Variants in LARP4 observed in about 807,000 individuals in gnomAD.
The protein encoded by LARP4 is La ribonucleoprotein 4.
A neutral mutation model predicts 92.9 loss-of-function variants in LARP4; 29 were observed. The ratio of observed to expected loss-of-function variants is 0.31; its 90% confidence interval spans 0.23 to 0.43. LARP4 has a LOEUF of 0.43. Among genes scored for constraint, LARP4 ranks in the 20% least tolerant of loss-of-function variants. The probability of loss-of-function intolerance (pLI) is 1.00; values close to 1 mark genes in which losing one functional copy is unlikely to be tolerated. For synonymous variants in LARP4, 279 were observed against 284.1 expected (o/e 0.98, Z 0.18); for missense variants, 732 against 860.0 (o/e 0.85, Z 1.86).
chr12:50,436,174 G>A (rs201262877), intron 5 of LARP4, among the ~76,000 whole-genome samples: 6 of 136,612 alleles, frequency 4.4e-5, no homozygotes, highest in African/African-American at 1.4e-4. Context: ...GTGTGTGTAT[G>A]TATATATATA....
intron 4 of LARP4, 106 bp downstream of exon 4, chr12:50,430,676 T>C: frequency 6.2e-6 from 4 of 646,084 alleles, no homozygotes; most frequent in Non-Finnish European, 1.0e-5. Context: ...TTTTTTATTT[T>C]CTTGAGACAG....
intron 4 of LARP4, among the ~76,000 whole-genome samples, chr12:50,433,991 G>C (rs1350272962): frequency 6.6e-6 from 1 of 152,134 alleles, no homozygotes. Context: ...CTCCTTGCCA[G>C]GCACTAGGCA....
At chr12:50,430,760 A>G (rs1949532408) in intron 4 of LARP4, among the ~76,000 whole-genome samples, 190 bp downstream of exon 4, 1 of 151,978 alleles carries the variant, frequency 6.6e-6, no homozygotes, top group East Asian at 2.0e-4. Flanking sequence ...TCCAGGGTTC[A>G]AGAGATTCTT....
chr12:50,439,131 G>T (rs1950845121), intron 6 of LARP4, among the ~76,000 whole-genome samples: 1 of 152,038 alleles, frequency 6.6e-6, no homozygotes, highest in Non-Finnish European at 1.5e-5. Flanking sequence ...TAGAGATGGG[G>T]TTTTGCCATG....
At chr12:50,454,048 G>A (rs1392313969) in intron 9 of LARP4, among the ~76,000 whole-genome samples, 2 of 152,184 alleles carry the variant, frequency 1.3e-5, no homozygotes, top group Admixed American at 6.5e-5. Flanking sequence ...TGAGTGAATT[G>A]AAAGAAGAGA....
In LARP4 at chr12:50,454,298, A is replaced by G; in HGVS notation, c.1018-16A>G. The G allele has an allele frequency of 3.8e-6, 6 of 1,588,198 alleles. No individual in the cohort carries two copies. The highest frequency in any genetic ancestry group is 4.3e-6 in the Non-Finnish European group (5 of 1,158,250). On this transcript the variant is annotated splice_polypyrimidine_tract_variant and intron_variant, in intron 9 of 15. Coordinates refer to ENST00000398473, the MANE Select transcript of LARP4 (RefSeq NM_052879.5). ...CCTTTGCCATTAATATTGTTTAAAC[A>G]TACATTTTTTTCTAGGCTCCCTTTC...
intron 1 of LARP4, among the ~76,000 whole-genome samples, chr12:50,426,871 C>G (rs574159674): frequency 1.2e-4 from 18 of 151,078 alleles, no homozygotes; most frequent in Admixed American, 2.0e-4. Context: ...CTGAAGTAGC[C>G]GGGACTACAG....
Position 50,400,942 on chromosome 12 carries a change from T to C in LARP4, c.-69T>C, listed in dbSNP as rs892597940. The C allele has an allele frequency of 3.0e-5, 48 of 1,608,720 alleles. No individual in the cohort carries two copies. In the Admixed American group the frequency reaches 5.0e-4, roughly 17 times the overall value. On this transcript the variant is annotated 5_prime_UTR_variant, in exon 1 of 16. Transcript: ENST00000398473. ...CGAGTGTGTGTCCTTATCCTAGCAATTGGGGCGCGGGCCTGTGAGCCAGTT... is the reference window on the plus strand; with the variant it reads ...CGAGTGTGTGTCCTTATCCTAGCAACTGGGGCGCGGGCCTGTGAGCCAGTT...
At chr12:50,463,995 G>T (rs776417584) in intron 12 of LARP4, among the ~76,000 whole-genome samples, 27 of 152,158 alleles carry the variant, frequency 1.8e-4, no homozygotes, top group Non-Finnish European at 3.2e-4. Flanking sequence ...TCCAAAGCCA[G>T]TCTAGGAAGT....
intron 8 of LARP4, among the ~76,000 whole-genome samples, chr12:50,446,265 CA>C (rs1434092735): frequency 6.8e-6 from 1 of 146,580 alleles, no homozygotes; most frequent in Non-Finnish European, 1.5e-5. Flanking sequence ...CTCAGCCTCC[CA>C]AAGTGCTGGG....
intron 3 of LARP4, among the ~76,000 whole-genome samples, chr12:50,429,545 GA>G (rs374513874): frequency 2.6e-5 from 4 of 151,702 alleles, no homozygotes; most frequent in Middle Eastern, 3.4e-3. Flanking sequence ...AACTGTGTCT[GA>G]AAAAAAAATT....
rs1204733245 is a variant in LARP4, at chr12:50,454,310, C to T, written c.1018-4C>T. ...ATATTGTTTAAACATACATTTTTTTCTAGGCTCCCTTTCCCAATGGTAGTT... is the reference window on the plus strand; with the variant it reads ...ATATTGTTTAAACATACATTTTTTTTTAGGCTCCCTTTCCCAATGGTAGTT... On this transcript the variant is annotated splice_polypyrimidine_tract_variant and splice_region_variant and intron_variant, in intron 9 of 15. Transcript: ENST00000398473. 2 of 1,604,034 alleles carry T rather than the reference C, an allele frequency of 1.2e-6. No individual in the cohort carries two copies. The highest frequency in any genetic ancestry group is 1.7e-5 in the Admixed American group (1 of 57,994).
chr12:50,439,412 A>G (rs1022183325), intron 6 of LARP4, among the ~76,000 whole-genome samples: 1 of 151,834 alleles, frequency 6.6e-6, no homozygotes, highest in African/African-American at 2.4e-5. Context: ...TCCTCAATCA[A>G]TGGTTTTCTG....
intron 10 of LARP4, among the ~76,000 whole-genome samples, chr12:50,457,166 TC>T (rs1477782288): frequency 6.7e-6 from 1 of 150,324 alleles, no homozygotes; most frequent in Non-Finnish European, 1.5e-5. Context: ...CCTCCCAAAG[TC>T]CTGGGATTAC....
intron 1 of LARP4, among the ~76,000 whole-genome samples, chr12:50,422,604 G>T (rs1947990609): frequency 6.6e-6 from 1 of 151,768 alleles, no homozygotes; most frequent in Non-Finnish European, 1.5e-5. Context: ...TTGGATTGCT[G>T]TGTAATACTT....
intron 1 of LARP4, among the ~76,000 whole-genome samples, chr12:50,426,996 C>A (rs1284529564): frequency 6.6e-6 from 1 of 151,916 alleles, no homozygotes; most frequent in Non-Finnish European, 1.5e-5. Context: ...CCTTGGCCTC[C>A]CAAAGTATTG....
At chr12:50,430,957 C>T (rs551510286) in intron 4 of LARP4, among the ~76,000 whole-genome samples, 5 of 152,288 alleles carry the variant, frequency 3.3e-5, no homozygotes, top group South Asian at 2.1e-4. Flanking sequence ...GCACCACACT[C>T]GGCCCCTTGT....
intron 1 of LARP4, among the ~76,000 whole-genome samples, chr12:50,404,959 A>G (rs1218413051): frequency 6.6e-6 from 1 of 150,660 alleles, no homozygotes; most frequent in African/African-American, 2.5e-5. Flanking sequence ...AAGTGTTGGA[A>G]TTACAGGCGT....
intron 8 of LARP4, among the ~76,000 whole-genome samples, chr12:50,444,288 C>A (rs1404139616): frequency 6.6e-6 from 1 of 151,838 alleles, no homozygotes; most frequent in East Asian, 1.9e-4. Context: ...TACAGATAAT[C>A]ACTATTTTGA....
Sources: gnomAD v4.1 joint callset for allele counts (sites outside exome capture counted in the v4.1 genomes callset) on GRCh38, gnomAD v4.1.1 for gene constraint, MANE v1.5 for transcripts, NCBI Gene and HGNC (gene_info 2026-07-23, HGNC 2026-07-21) for gene names.